STAG1: variants seen among roughly 807,000 people sequenced by gnomAD.
The protein encoded by STAG1 is STAG1 cohesin complex component, also known as cohesin subunit SA-1.
In STAG1, 26 loss-of-function variants were observed where a neutral mutation model predicts 170.9. The ratio of observed to expected loss-of-function variants is 0.15; its 90% CI spans 0.11 to 0.21. The LOEUF is 0.21. Ranked by LOEUF, STAG1 falls within the 10% of genes least tolerant of loss-of-function variation. The pLI, the probability that STAG1 is intolerant of heterozygous loss-of-function variation, is 1.00. For missense variants in STAG1, 964 were observed against 1,509.5 expected, an observed-to-expected ratio of 0.64 and a Z score of 5.99; for synonymous variants, 514 against 497.7, an observed-to-expected ratio of 1.03 and a Z score of -0.44.
At chr3:136,581,287 C>T (rs1230532934) in intron 4 of STAG1, among the ~76,000 whole-genome samples, 2 of 152,196 alleles carry the variant, frequency 1.3e-5, no homozygotes, top group South Asian at 2.1e-4. Context: ...ATCTACAAAT[C>T]GGTAGAGCAA....
intron 4 of STAG1, among the ~76,000 whole-genome samples, chr3:136,592,445 T>TGAGG (rs1391939417): frequency 4.9e-4 from 75 of 152,276 alleles, no homozygotes; most frequent in Non-Finnish European, 3.2e-4. Flanking sequence ...TCCTAAGGCC[T>TGAGG]CCCCAGCCAT....
intron 22 of STAG1, among the ~76,000 whole-genome samples, chr3:136,379,386 G>A (rs981593076): frequency 6.6e-6 from 1 of 152,182 alleles, no homozygotes; most frequent in East Asian, 1.9e-4. Flanking sequence ...TACAGAAAAA[G>A]GTATTCCAGT....
chr3:136,397,737 C>T (rs2087207465), intron 22 of STAG1, among the ~76,000 whole-genome samples: 1 of 151,970 alleles, frequency 6.6e-6, no homozygotes, highest in African/African-American at 2.4e-5. Flanking sequence ...GAAACATCCT[C>T]AAGGTAAAGC....
At chr3:136,647,135 A>T (rs1038558501) in intron 1 of STAG1, among the ~76,000 whole-genome samples, 10 of 152,300 alleles carry the variant, frequency 6.6e-5, no homozygotes, top group African/African-American at 1.4e-4. Context: ...CTATTTTTTT[A>T]AAAATAAATA....
Position 136,337,660 on chromosome 3 carries a change from G to GAT in STAG1, c.*592_*593dup, listed in dbSNP as rs1388642153. 3 of 152,634 alleles carry GAT rather than the reference G, an allele frequency of 2.0e-5. No individual in the cohort carries two copies. Among genetic ancestry groups the GAT allele is most frequent in the Non-Finnish European group, 4.4e-5 (3 of 68,038 alleles). The allele number at this position is 152,634 out of a possible 1,614,324, so 9.5% of individuals were successfully genotyped here. On this transcript the variant is annotated 3_prime_UTR_variant, in exon 34 of 34. Coordinates refer to ENST00000383202, the MANE Select transcript of STAG1 (RefSeq NM_005862.3). ...CAGAGGGTGTGTGGTTTTTGGCAGA[G>GAT]ATGTACTATGTCAGAATTTCATCTT...
chr3:136,751,035 T>G (rs1287546370), intron 1 of STAG1, among the ~76,000 whole-genome samples: 1 of 152,226 alleles, frequency 6.6e-6, no homozygotes, highest in Non-Finnish European at 1.5e-5. Context: ...CACAACTTTG[T>G]GCCAATTCAG....
chr3:136,741,100 C>T (rs1313532916), intron 1 of STAG1, among the ~76,000 whole-genome samples: 1 of 152,130 alleles, frequency 6.6e-6, no homozygotes, highest in African/African-American at 2.4e-5. Context: ...AGTGAAGGGT[C>T]CTGGAAGAAA....
chr3:136,715,004 A>T (rs1163582266), intron 1 of STAG1, among the ~76,000 whole-genome samples: 7 of 125,752 alleles, frequency 5.6e-5, no homozygotes, highest in South Asian at 2.4e-4. Context: ...TATATATATA[A>T]TATATATATA....
intron 13 of STAG1, among the ~76,000 whole-genome samples, chr3:136,459,965 AAACAACAAC>A (rs757735375): frequency 6.6e-6 from 1 of 152,194 alleles, no homozygotes; most frequent in Admixed American, 6.5e-5. Context: ...ACCCACACAA[AAACAACAAC>A]AACAACAACA....
At chr3:136,647,093 T>C (rs1941052232) in intron 1 of STAG1, among the ~76,000 whole-genome samples, 1 of 152,120 alleles carries the variant, frequency 6.6e-6, no homozygotes, top group African/African-American at 2.4e-5. Flanking sequence ...ATTGTGTCAA[T>C]TTTTTAAAAA....
chr3:136,427,884 G>A (rs192316299), intron 16 of STAG1, among the ~76,000 whole-genome samples: 3 of 152,214 alleles, frequency 2.0e-5, no homozygotes, highest in Non-Finnish European at 4.4e-5. Context: ...ACAAAGCTGA[G>A]AATTTAAAGC....
intron 5 of STAG1, among the ~76,000 whole-genome samples, chr3:136,561,027 G>A (rs149319960): frequency 1.2e-4 from 18 of 151,916 alleles, no homozygotes; most frequent in African/African-American, 3.1e-4. Context: ...TGGTTCTTAC[G>A]CAGCTTTAGG....
At chr3:136,460,807 T>A (rs369766521) in intron 13 of STAG1, among the ~76,000 whole-genome samples, 1 of 151,932 alleles carries the variant, frequency 6.6e-6, no homozygotes, top group Non-Finnish European at 1.5e-5. Context: ...AGGGAATACC[T>A]CCAAGCTCAT....
intron 1 of STAG1, among the ~76,000 whole-genome samples, chr3:136,652,596 A>G (rs1941253710): frequency 6.6e-6 from 1 of 152,210 alleles, no homozygotes; most frequent in East Asian, 1.9e-4. Context: ...AAAAATTAGA[A>G]AGGAAGAGAC....
At chr3:136,578,067 G>A (rs1937515258) in intron 4 of STAG1, among the ~76,000 whole-genome samples, 1 of 152,176 alleles carries the variant, frequency 6.6e-6, no homozygotes, top group Non-Finnish European at 1.5e-5. Context: ...CTCCACAAGA[G>A]GGCCCAGAGG....
At chr3:136,736,682 T>C in intron 1 of STAG1, 1 of 1,604,480 alleles carries the variant, frequency 6.2e-7, no homozygotes, top group Non-Finnish European at 8.5e-7. Context: ...CTTCTCCCCT[T>C]TGTCGTTTCC....
chr3:136,465,222 C>CTTT (rs63439962), intron 12 of STAG1, among the ~76,000 whole-genome samples: 4 of 136,206 alleles, frequency 2.9e-5, no homozygotes, highest in South Asian at 2.4e-4. Flanking sequence ...TCTTCTACAG[C>CTTT]TTTTTTTTTT....
intron 1 of STAG1, among the ~76,000 whole-genome samples, chr3:136,646,606 T>TAATCTTATAGTG (rs1941024135): frequency 6.6e-6 from 1 of 152,168 alleles, no homozygotes; most frequent in Non-Finnish European, 1.5e-5. Context: ...TCCATAGCAC[T>TAATCTTATAGTG]ATAAGATGAC....
intron 7 of STAG1, chr3:136,518,425 G>T: frequency 1.4e-6 from 1 of 699,546 alleles, no homozygotes; most frequent in Non-Finnish European, 2.6e-6. Flanking sequence ...CCTGCAAAGT[G>T]AATAAAAATG....
Sources: allele counts gnomAD v4.1 joint callset (sites outside exome capture counted in the v4.1 genomes callset), GRCh38; gene constraint gnomAD v4.1.1; transcripts MANE v1.5; gene names NCBI Gene and HGNC (gene_info 2026-07-23, HGNC 2026-07-21).